SNRNP25: variants seen among roughly 807,000 people sequenced by gnomAD.
SNRNP25 encodes U11/U12 small nuclear ribonucleoprotein 25 kDa protein.
A neutral mutation model predicts 23.9 loss-of-function variants in SNRNP25; 21 were observed. The ratio of observed to expected loss-of-function variants is 0.88; its 90% CI spans 0.62 to 1.27. The LOEUF (loss-of-function observed/expected upper bound fraction) is 1.27, where lower values mean the gene tolerates loss of function less well. SNRNP25 is among the 50% of genes most tolerant of loss of function. The pLI is 0.00. For missense variants in SNRNP25, 160 were observed against 156.9 expected, an observed-to-expected ratio of 1.02 and a Z score of -0.11; for synonymous variants, 63 against 60.4, an observed-to-expected ratio of 1.04 and a Z score of -0.20.
At position 57,275 on chromosome 16, in the gene SNRNP25, T is replaced by G. The variant is rs1045001; in HGVS notation, c.*132T>G. 0.81 allele frequency: 740,497 copies of G among 913,644 alleles called. 302,453 individuals are homozygous for G. Among genetic ancestry groups the G allele is most frequent in the African/African-American group, 0.89 (53,865 of 60,720 alleles). The allele number at this position is 913,644 out of a possible 1,614,324, so 56.6% of individuals were successfully genotyped here. On this transcript the variant is annotated 3_prime_UTR_variant, in exon 5 of 5. Transcript: ENST00000293861. ...GCCTCACCCCAGGCATGCCCAACAG[T>G]AACTGTCAGCATAAACCTGGGGGCC...
At chr16:55,319 C>G in intron 1 of SNRNP25, 140 bp from the exon 2 acceptor site, 2 of 692,968 alleles carry the variant, frequency 2.9e-6, no homozygotes, top group Non-Finnish European at 5.2e-6. Context: ...ATTGGGAAAC[C>G]ATAACGTACA....
chr16:56,980 C>G (rs551187632), intron 4 of SNRNP25, 106 bp from the exon 5 acceptor site: 1 of 1,280,426 alleles, frequency 7.8e-7, no homozygotes. Flanking sequence ...AGAAGCCACA[C>G]GCCTCCCCTC....
Position 55,450 on chromosome 16 carries a change from C to T in SNRNP25, c.43-9C>T. 6.2e-7 allele frequency: 1 copy of T among 1,613,892 alleles called. No homozygotes were observed. Among genetic ancestry groups the T allele is most frequent in the Non-Finnish European group, 8.5e-7 (1 of 1,179,800 alleles). Reference sequence around the variant, plus strand: ...CAGGGTTCCCACTTCTGCCCTTGGTCTTTTGTAGGTTACTCTGGAAGAAGT... The same window carrying T: ...CAGGGTTCCCACTTCTGCCCTTGGTTTTTTGTAGGTTACTCTGGAAGAAGT... On this transcript the variant is annotated splice_polypyrimidine_tract_variant and intron_variant, in intron 1 of 4. Transcript: ENST00000293861.
In SNRNP25 at chr16:57,404, C is replaced by T. The variant is rs1338708505; in HGVS notation, c.*261C>T. The T allele has an allele frequency of 1.3e-5, 7 of 553,210 alleles. No homozygotes were observed. The highest frequency in any genetic ancestry group is 7.5e-5 in the African/African-American group (4 of 53,252). 34.3% of individuals were successfully genotyped at this position (553,210 alleles called of 1,614,324 possible). On this transcript the variant is annotated 3_prime_UTR_variant, in exon 5 of 5. Coordinates refer to ENST00000293861, the MANE Select transcript of SNRNP25 (RefSeq NM_024571.4). The stretch of plus-strand genomic sequence containing the variant: ...ATGCCCTAGTCACATGGCAGACCCA[C>T]GGCCTGGCCCACTGTATAAAATAAA...
intron 1 of SNRNP25, chr16:54,901 T>G (rs549069063): frequency 6.5e-6 from 1 of 154,268 alleles, no homozygotes; most frequent in East Asian, 2.0e-4. Context: ...AGGATGGTCT[T>G]GATCTCCTGA....
At chr16:54,618 T>A (rs1253385953) in intron 1 of SNRNP25, among the ~76,000 whole-genome samples, 2 of 152,122 alleles carry the variant, frequency 1.3e-5, no homozygotes, top group Admixed American at 1.3e-4. Context: ...TAGTTTTAAA[T>A]AAGAGCAAGA....
In SNRNP25 at chr16:56,292, A is replaced by G. The variant is rs1047330783; in HGVS notation, c.240-247A>G. 5.7e-6 allele frequency: 4 copies of G among 705,670 alleles called. No homozygotes were observed. In the Admixed American group the frequency reaches 6.1e-5, roughly 11 times the overall value. The allele number at this position is 705,670 out of a possible 1,614,324, so 43.7% of individuals were successfully genotyped here. Reference sequence around the variant, plus strand: ...ATTGGATCAACTATCCTGTTCACTGAGTCTCAACACTGTCGCCTGTTGCAT... The same window carrying G: ...ATTGGATCAACTATCCTGTTCACTGGGTCTCAACACTGTCGCCTGTTGCAT... On this transcript the variant is annotated intron_variant, in intron 3 of 4. Coordinates refer to ENST00000293861, the MANE Select transcript of SNRNP25 (RefSeq NM_024571.4).
Position 56,529 on chromosome 16 carries a change from C to T in SNRNP25, c.240-10C>T. On this transcript the variant is annotated splice_polypyrimidine_tract_variant and intron_variant, in intron 3 of 4. Transcript: ENST00000293861. ...AGGGCACGTGGTTTACCTGCATTCC[C>T]CTCTTGCAGGTCCTACGTGTGGAGG... The T allele has an allele frequency of 6.2e-7, 1 of 1,613,774 alleles. No homozygotes were observed. Among genetic ancestry groups the T allele is most frequent in the Non-Finnish European group, 8.5e-7 (1 of 1,179,822 alleles).
chr16:56,939 G>A (rs1432581824), intron 4 of SNRNP25, 147 bp from the exon 5 acceptor site: 5 of 739,266 alleles, frequency 6.8e-6, no homozygotes, highest in Non-Finnish European at 8.6e-6. Flanking sequence ...GGGTCTGTGA[G>A]AGGATGGCCA....
At chr16:55,255 T>C in intron 1 of SNRNP25, 1 of 525,488 alleles carries the variant, frequency 1.9e-6, no homozygotes, top group South Asian at 2.0e-5. Context: ...CCAGAGACTC[T>C]GTCCACTATG....
chr16:57,440 T>A lies in SNRNP25; in HGVS notation c.*297T>A. On this transcript the variant is annotated 3_prime_UTR_variant, in exon 5 of 5. Coordinates refer to ENST00000293861, the MANE Select transcript of SNRNP25 (RefSeq NM_024571.4). ...ACTGTATAAAATAAACCTGTTTGCT[T>A]CTTAGTTTGAAAAGTAGAAAGCCAC... 2.3e-6 allele frequency: 1 copy of A among 441,328 alleles called. No homozygotes were observed. The highest frequency in any genetic ancestry group is 4.1e-6 in the Non-Finnish European group (1 of 242,604). The allele number at this position is 441,328 out of a possible 1,614,324, so 27.3% of individuals were successfully genotyped here.
Position 56,598 on chromosome 16 carries a change from G to C in SNRNP25, c.299G>C (p.Arg100Thr), listed in dbSNP as rs759691420. The change falls in exon 4 of 5, where the codon AGA (arginine) becomes ACA (threonine). Residue 100 changes from arginine (R) to threonine (T), a missense_variant. Arg to Thr is a moderately conservative substitution (Grantham distance 71). Transcript: ENST00000293861. ...TSAGEKLTED[R>T]KKLRDYGIRN... The stretch of plus-strand genomic sequence containing the variant: ...GCAGGAGAGAAACTCACGGAAGACA[G>C]AAAGAAGCTCCGAGAGTAAGTGCCG... The C allele has an allele frequency of 1.9e-6, 3 of 1,614,030 alleles. No individual in the cohort carries two copies. The South Asian group carries it at 3.3e-5, about 18-fold the overall frequency.
intron 3 of SNRNP25, chr16:56,314 G>C (rs1447960119): frequency 7.0e-6 from 5 of 711,404 alleles, no homozygotes; most frequent in Non-Finnish European, 1.3e-5. Context: ...GTCGCCTGTT[G>C]CATTAGCAAG....
intron 2 of SNRNP25, 75 bp downstream of exon 2, chr16:55,624 G>C: frequency 6.3e-7 from 1 of 1,579,582 alleles, no homozygotes; most frequent in South Asian, 1.1e-5. Flanking sequence ...GTGCTGGTCA[G>C]CCTGCTCAGA....
At chr16:56,958 C>T (rs1424903543) in intron 4 of SNRNP25, 128 bp from the exon 5 acceptor site, 10 of 1,046,398 alleles carry the variant, frequency 9.6e-6, no homozygotes, top group African/African-American at 1.6e-5. Flanking sequence ...CACTGCACTT[C>T]CTGGCCTTCC....
chr16:57,092 C>T lies in SNRNP25; in HGVS notation c.321C>T (p.Gly107=). ...GCCTTTCCTTCTTTTTCAGCTACGGCATCCGGAATCGAGACGAGGTTTCCT... is the reference window on the plus strand; with the variant it reads ...GCCTTTCCTTCTTTTTCAGCTACGGTATCCGGAATCGAGACGAGGTTTCCT... ...TEDRKKLRDY[G]IRNRDEVSFI... The change falls in exon 5 of 5, where the codon GGC becomes GGT. Residue 107 remains glycine (G), a synonymous_variant. Transcript: ENST00000293861. 2.5e-6 allele frequency: 4 copies of T among 1,614,134 alleles called. No homozygotes were observed. In the South Asian group the frequency reaches 3.3e-5, roughly 13 times the overall value.
At position 53,903 on chromosome 16, in the gene SNRNP25, G is replaced by T; in HGVS notation, c.-114G>T. On this transcript the variant is annotated 5_prime_UTR_variant, in exon 1 of 5. Transcript: ENST00000293861. ...GGGCAGAGCCCGGCTGAGAGGGGCG[G>T]CCCTGGAGGAGACGGAGGCCGCGGG... The T allele has an allele frequency of 1.3e-6, 2 of 1,517,402 alleles. No homozygotes were observed. The highest frequency in any genetic ancestry group is 2.4e-5 in the South Asian group (2 of 83,706). The allele number at this position is 1,517,402 out of a possible 1,614,324, so 94.0% of individuals were successfully genotyped here.
At chr16:57,037 A>T (rs1298285331) in intron 4 of SNRNP25, 49 bp from the exon 5 acceptor site, 2 of 1,604,238 alleles carry the variant, frequency 1.2e-6, no homozygotes, top group East Asian at 2.2e-5. Context: ...GGAGTCACAG[A>T]TATGTCCTTC....
chr16:54,014 G>C lies in SNRNP25; in HGVS notation c.-3G>C. On this transcript the variant is annotated 5_prime_UTR_variant, in exon 1 of 5. Transcript: ENST00000293861. The stretch of plus-strand genomic sequence containing the variant: ...CATGGACGTGTTCCAGGAGGGTCTG[G>C]CTATGGTGGTGCAGGACCCGCTGCT... 2 of 1,610,114 alleles carry C rather than the reference G, an allele frequency of 1.2e-6. No homozygotes were observed. Among genetic ancestry groups the C allele is most frequent in the Non-Finnish European group, 1.7e-6 (2 of 1,179,046 alleles).
Sources: gnomAD v4.1 joint callset for allele counts (sites outside exome capture counted in the v4.1 genomes callset) on GRCh38, gnomAD v4.1.1 for gene constraint, MANE v1.5 for transcripts, NCBI Gene and HGNC (gene_info 2026-07-23, HGNC 2026-07-21) for gene names.